The following CLEC12A variants were observed in gnomAD, a reference collection of about 807,000 sequenced individuals.
CLEC12A encodes the protein C-type lectin protein CLL-1.
In CLEC12A, 22 loss-of-function variants were observed where a neutral mutation model predicts 26.5. The ratio of observed to expected loss-of-function variants is 0.83; its 90% confidence interval spans 0.59 to 1.19. CLEC12A has a LOEUF of 1.19. Ranked by LOEUF, CLEC12A falls within the 50% of genes most tolerant of loss-of-function variation. The probability of loss-of-function intolerance (pLI) is 0.00; values close to 1 mark genes in which losing one functional copy is unlikely to be tolerated. For missense variants in CLEC12A, 353 were observed against 315.6 expected, an observed-to-expected ratio of 1.12 and a Z score of -0.90; for synonymous variants, 119 against 101.9, an observed-to-expected ratio of 1.17 and a Z score of -1.01.
At chr12:9,966,742 G>A (rs55729841), upstream of CLEC12A, among the ~76,000 whole-genome samples, 81,643 of 144,644 alleles carry the variant, frequency 0.56, 23,448 homozygotes, top group South Asian at 0.7. Flanking sequence ...GGGGTTTGAG[G>A]ACTGGAATTT....
intron 1 of CLEC12A, among the ~76,000 whole-genome samples, chr12:9,959,177 G>A (rs895352648): frequency 6.6e-5 from 10 of 152,258 alleles, no homozygotes; most frequent in African/African-American, 1.4e-4. Context: ...TTGGCTGGGC[G>A]TGGTGGCTCA....
intron 3 of CLEC12A, among the ~76,000 whole-genome samples, chr12:9,980,121 A>C (rs888715659): frequency 6.6e-6 from 1 of 152,218 alleles, no homozygotes; most frequent in Non-Finnish European, 1.5e-5. Context: ...TCCAGTAATT[A>C]GTTTTTATTG....
At position 9,982,117 on chromosome 12, in the gene CLEC12A, A is replaced by G. The variant is rs1864583912; in HGVS notation, c.629A>G (p.Asn210Ser). 1.3e-6 allele frequency: 2 copies of G among 1,556,092 alleles called. No homozygotes were observed. Among genetic ancestry groups the G allele is most frequent in the African/African-American group, 1.4e-5 (1 of 73,636 alleles). ...TRGMRVDNII[N>S]SSAWVIRNAP... is the part of the protein sequence containing the mutation. ...GGTATGAGAGTGGATAATATAATCA[A>G]CTCCTCTGCCTGGTAAGTGTCTATT... Residue 210 changes from asparagine (N) to serine (S), a missense_variant, in exon 5 of 6, where the codon AAC becomes AGC. Coordinates refer to ENST00000304361, the MANE Select transcript of CLEC12A (RefSeq NM_138337.6).
chr12:10,000,104 C>T (rs1865139507), downstream of CLEC12A, among the ~76,000 whole-genome samples: 1 of 152,158 alleles, frequency 6.6e-6, no homozygotes, highest in South Asian at 2.1e-4. Flanking sequence ...AGTTTTATGG[C>T]AGATTTTTAT....
At chr12:10,000,849 T>G in the CLEC12A span, among the ~76,000 whole-genome samples, 1 of 152,210 alleles carries the variant, frequency 6.6e-6, no homozygotes, top group Admixed American at 6.5e-5. Flanking sequence ...CAGTAACCCC[T>G]GTCTTTCACG....
intron 1 of CLEC12A, among the ~76,000 whole-genome samples, chr12:9,961,273 A>C (rs552586336): frequency 5.9e-5 from 9 of 152,338 alleles, no homozygotes; most frequent in African/African-American, 2.2e-4. Context: ...TTCGACACGC[A>C]CTTCCTGTCA....
intron 1 of CLEC12A, among the ~76,000 whole-genome samples, chr12:9,975,600 C>T (rs918161376): frequency 6.6e-6 from 1 of 152,062 alleles, no homozygotes; most frequent in Non-Finnish European, 1.5e-5. Context: ...GGAAGCAGAG[C>T]ATAAAAGTTC....
intron 1 of CLEC12A, among the ~76,000 whole-genome samples, chr12:9,974,897 G>C (rs1864273142): frequency 6.6e-6 from 1 of 152,182 alleles, no homozygotes; most frequent in Admixed American, 6.5e-5. Flanking sequence ...CTGTAGGAGG[G>C]ACATGGTGGG....
chr12:9,987,766 G>C (rs961722363), downstream of CLEC12A, among the ~76,000 whole-genome samples: 2 of 151,474 alleles, frequency 1.3e-5, no homozygotes, highest in African/African-American at 4.8e-5. Flanking sequence ...GTTTTGTTTT[G>C]TTTTTAGCCC....
At chr12:9,961,167 T>G (rs1863821784) in intron 1 of CLEC12A, among the ~76,000 whole-genome samples, 1 of 152,228 alleles carries the variant, frequency 6.6e-6, no homozygotes, top group Non-Finnish European at 1.5e-5. Context: ...GGTAAGAGGT[T>G]GTAGAGACCA....
intron 4 of CLEC12A, chr12:9,992,108 G>C (rs2137226854): frequency 6.6e-6 from 1 of 152,196 alleles, no homozygotes; most frequent in South Asian, 2.1e-4. Context: ...GGAAAGAAAT[G>C]CAATTTTTTC....
At chr12:9,963,740 T>C (rs1316957367) in intron 1 of CLEC12A, among the ~76,000 whole-genome samples, 1 of 152,140 alleles carries the variant, frequency 6.6e-6, no homozygotes, top group African/African-American at 2.4e-5. Context: ...AGAAGAGACC[T>C]TGTGCGAGGC....
chr12:9,965,225 G>A (rs1037092889), intron 1 of CLEC12A, among the ~76,000 whole-genome samples: 3 of 152,206 alleles, frequency 2.0e-5, no homozygotes, highest in African/African-American at 2.4e-5. Flanking sequence ...TACAGGGTGC[G>A]GTCCCAGCTC....
At chr12:9,976,987 G>A (rs685697) in intron 1 of CLEC12A, among the ~76,000 whole-genome samples, 149,984 of 152,286 alleles carry the variant, frequency 0.98, 73,885 homozygotes, top group Middle Eastern at 1. Flanking sequence ...CTCCCCAGCC[G>A]CGTGAAACTG....
chr12:9,985,029 C>G lies in CLEC12A; in HGVS notation c.*3C>G. 1 of 1,506,568 alleles carries G rather than the reference C, an allele frequency of 6.6e-7. No homozygotes were observed. The highest frequency in any genetic ancestry group is 8.9e-7 in the Non-Finnish European group (1 of 1,128,580). 93.3% of individuals were successfully genotyped at this position (1,506,568 alleles called of 1,614,324 possible). ...CTACATATTTTAGGGAGGCATGAGG[C>G]ATCAATCAAATACATTTAAGGAGTG... On this transcript the variant is annotated 3_prime_UTR_variant, in exon 6 of 6. Transcript: ENST00000304361.
chr12:9,984,072 T>TA, intron 5 of CLEC12A: 1 of 309,192 alleles, frequency 3.2e-6, no homozygotes, highest in Non-Finnish European at 6.3e-6. Flanking sequence ...AAAAGAAAAC[T>TA]GAAAAAGTAT....
intron 1 of CLEC12A, among the ~76,000 whole-genome samples, chr12:9,963,047 G>A (rs1257454290): frequency 6.6e-6 from 1 of 152,108 alleles, no homozygotes; most frequent in Admixed American, 6.5e-5. Context: ...TGATATTGTG[G>A]AGTTGCTAGA....
At chr12:9,993,397 A>G (rs921017517) in intron 4 of CLEC12A, 23 of 658,768 alleles carry the variant, frequency 3.5e-5, no homozygotes, top group Middle Eastern at 5.0e-4. Flanking sequence ...GGAAAATAGG[A>G]AAAAAAAACA....
upstream of CLEC12A, among the ~76,000 whole-genome samples, chr12:9,969,422 G>C (rs2137130385): frequency 6.6e-6 from 1 of 152,236 alleles, no homozygotes; most frequent in South Asian, 2.1e-4. Flanking sequence ...AGGCTGTGAA[G>C]GGCAAACCAT....
Sources: gnomAD v4.1 joint callset for allele counts (sites outside exome capture counted in the v4.1 genomes callset) on GRCh38, gnomAD v4.1.1 for gene constraint, MANE v1.5 for transcripts, NCBI Gene and HGNC (gene_info 2026-07-23, HGNC 2026-07-21) for gene names.